ANKS1A: variants seen among roughly 807,000 people sequenced by gnomAD.
The protein encoded by ANKS1A is ankyrin repeat and sterile alpha motif domain containing 1A, also known as ankyrin repeat and SAM domain-containing protein 1A.
In ANKS1A, 55 loss-of-function variants were observed where a neutral mutation model predicts 120.3. The ratio of observed to expected loss-of-function variants is 0.46; its 90% confidence interval spans 0.37 to 0.57. ANKS1A has a LOEUF of 0.57. Ranked by LOEUF, ANKS1A falls within the 20% of genes least tolerant of loss-of-function variation. ANKS1A has a pLI of 0.00. For missense variants in ANKS1A, 1,123 were observed against 1,480.3 expected, an observed-to-expected ratio of 0.76 and a Z score of 3.96; for synonymous variants, 590 against 604.7, an observed-to-expected ratio of 0.98 and a Z score of 0.36.
At chr6:34,922,444 CGTT>C (rs990544264) in intron 1 of ANKS1A, among the ~76,000 whole-genome samples, 3 of 152,148 alleles carry the variant, frequency 2.0e-5, no homozygotes, top group African/African-American at 4.8e-5. Flanking sequence ...TGTTTTCACA[CGTT>C]GTTTTGGCCA....
chr6:34,950,429 A>G (rs759672351), intron 1 of ANKS1A, among the ~76,000 whole-genome samples: 1 of 151,882 alleles, frequency 6.6e-6, no homozygotes, highest in African/African-American at 2.4e-5. Flanking sequence ...GGGTTTCACC[A>G]TGTTGGCCGG....
chr6:35,023,522 G>A (rs1774457842), intron 11 of ANKS1A: 2 of 343,224 alleles, frequency 5.8e-6, no homozygotes, highest in Admixed American at 7.1e-5. Flanking sequence ...GTAGAGTCAT[G>A]GCGGGACCAG....
chr6:35,024,205 CCT>C (rs1774496602), intron 11 of ANKS1A, among the ~76,000 whole-genome samples: 1 of 152,158 alleles, frequency 6.6e-6, no homozygotes, highest in Non-Finnish European at 1.5e-5. Context: ...ATGTCTTTAT[CCT>C]CTGTCTCTTG....
chr6:35,033,828 A>T (rs72896255), intron 11 of ANKS1A, among the ~76,000 whole-genome samples: 4,314 of 152,262 alleles, frequency 0.028, 123 homozygotes, highest in Non-Finnish European at 0.045. Flanking sequence ...GAAGGGGTTC[A>T]CTTCCCCAGG....
At position 34,983,379 on chromosome 6, in the gene ANKS1A, G is replaced by C; in HGVS notation, c.966G>C (p.Gln322His). 6.2e-7 allele frequency: 1 copy of C among 1,613,718 alleles called. No homozygotes were observed. Among genetic ancestry groups the C allele is most frequent in the African/African-American group, 1.3e-5 (1 of 74,862 alleles). ...AAGTAGATAAAACCCCCCCACCCCA[G>C]CCACCTCTCATCTCCAGTATGGACT... ...TKEVDKTPPP[Q>H]PPLISSMDSI... The change falls in exon 7 of 24, where the codon CAG (glutamine) becomes CAC (histidine). Residue 322 changes from glutamine (Q) to histidine (H), a missense_variant. Transcript: ENST00000360359.
Position 34,981,670 on chromosome 6 carries a change from T to A in ANKS1A, c.436-20T>A, listed in dbSNP as rs1771913711. On this transcript the variant is annotated intron_variant, in intron 3 of 23. Transcript: ENST00000360359. ...TCTGCCAGTGACCTTTCTGATGTGA[T>A]CTGCTTGTTAACCCTTTAGAACAAT... The A allele has an allele frequency of 6.2e-7, 1 of 1,609,274 alleles. No individual in the cohort carries two copies. The highest frequency in any genetic ancestry group is 1.1e-5 in the South Asian group (1 of 90,940).
intron 18 of ANKS1A, 142 bp from the exon 19 acceptor site, chr6:35,083,013 G>C: frequency 8.0e-7 from 1 of 1,252,822 alleles, no homozygotes; most frequent in Non-Finnish European, 1.1e-6. Flanking sequence ...TTGAATGGAG[G>C]GTCTCTCCAG....
At chr6:35,094,434 C>T (rs565043997), downstream of ANKS1A, among the ~76,000 whole-genome samples, 311 of 137,480 alleles carry the variant, frequency 2.3e-3, 2 homozygotes, top group Non-Finnish European at 1.7e-3. Flanking sequence ...AGTGAGACTT[C>T]GTCTGGAAAA....
At chr6:35,049,272 C>T (rs1009816503) in intron 11 of ANKS1A, among the ~76,000 whole-genome samples, 1 of 152,136 alleles carries the variant, frequency 6.6e-6, no homozygotes, top group African/African-American at 2.4e-5. Flanking sequence ...TGCCTTCCCC[C>T]CTTCCCCTGT....
chr6:35,094,497 CAA>C (rs1026053386), downstream of ANKS1A, among the ~76,000 whole-genome samples: 1 of 148,392 alleles, frequency 6.7e-6, no homozygotes, highest in African/African-American at 2.5e-5. Flanking sequence ...AATTATCTGA[CAA>C]ATATTTTAAA....
chr6:34,947,847 AGGGTATT>A (rs1769879258), intron 1 of ANKS1A, among the ~76,000 whole-genome samples: 1 of 152,220 alleles, frequency 6.6e-6, no homozygotes, highest in Non-Finnish European at 1.5e-5. Context: ...CTCTAAGGAC[AGGGTATT>A]GGGTGCCTTT....
At chr6:34,896,068 T>G (rs1173046264) in intron 1 of ANKS1A, among the ~76,000 whole-genome samples, 3 of 151,438 alleles carry the variant, frequency 2.0e-5, no homozygotes, top group Non-Finnish European at 4.4e-5. Flanking sequence ...TGGCCTTTTT[T>G]TTTTTTCTTT....
chr6:35,025,856 G>C (rs1774598989), intron 11 of ANKS1A, among the ~76,000 whole-genome samples: 1 of 151,948 alleles, frequency 6.6e-6, no homozygotes, highest in South Asian at 2.1e-4. Context: ...TGCCACTCGT[G>C]GTATCCGCAG....
intron 11 of ANKS1A, among the ~76,000 whole-genome samples, chr6:35,051,778 A>C (rs1444130620): frequency 6.6e-6 from 1 of 152,236 alleles, no homozygotes; most frequent in Non-Finnish European, 1.5e-5. Context: ...GTATCTTTTG[A>C]ATTTTGAATC....
At chr6:35,054,068 C>T in intron 11 of ANKS1A, 31 bp from the exon 12 acceptor site, 3 of 1,599,786 alleles carry the variant, frequency 1.9e-6, no homozygotes, top group Non-Finnish European at 2.6e-6. Context: ...AGCCTGACTG[C>T]CTCTCCTCTT....
At chr6:35,063,339 A>C (rs562168159) in intron 13 of ANKS1A, among the ~76,000 whole-genome samples, 16 of 152,380 alleles carry the variant, frequency 1.1e-4, no homozygotes, top group African/African-American at 3.8e-4. Flanking sequence ...TCAGCACGGA[A>C]GGAAGGTAAT....
intron 10 of ANKS1A, among the ~76,000 whole-genome samples, chr6:35,008,303 T>C (rs1773566666): frequency 6.6e-6 from 1 of 152,278 alleles, no homozygotes; most frequent in South Asian, 2.1e-4. Flanking sequence ...AGCCTCAAGC[T>C]CCTGGGCTCA....
chr6:35,054,989 G>T (rs968912574), intron 12 of ANKS1A, among the ~76,000 whole-genome samples: 8 of 152,256 alleles, frequency 5.3e-5, no homozygotes, highest in African/African-American at 1.7e-4. Context: ...CCCTGAAGGG[G>T]TGGAAATTCT....
At chr6:34,960,794 ATACTT>A (rs1770595472) in intron 1 of ANKS1A, among the ~76,000 whole-genome samples, 1 of 152,116 alleles carries the variant, frequency 6.6e-6, no homozygotes, top group African/African-American at 2.4e-5. Flanking sequence ...CAATACTATT[ATACTT>A]GCTCAAACTT....
Sources: allele counts gnomAD v4.1 joint callset (sites outside exome capture counted in the v4.1 genomes callset), GRCh38; gene constraint gnomAD v4.1.1; transcripts MANE v1.5; gene names NCBI Gene and HGNC (gene_info 2026-07-23, HGNC 2026-07-21).